MSRA: variants seen among roughly 807,000 people sequenced by gnomAD.
MSRA encodes mitochondrial peptide methionine sulfoxide reductase.
MSRA carries 54 observed loss-of-function variants against 31.3 expected under a neutral mutation model. The ratio of observed to expected loss-of-function variants is 1.73; its 90% CI spans 1.39 to 2.17. MSRA has a LOEUF of 2.17. MSRA is among the 30% of genes most tolerant of loss of function. MSRA has a pLI of 0.00. For synonymous variants in MSRA, 169 were observed against 116.5 expected (o/e 1.45, Z -2.90); for missense variants, 507 against 300.9 (o/e 1.69, Z -5.07).
At chr8:10,067,874 G>GTTT (rs71203303) in intron 1 of MSRA, among the ~76,000 whole-genome samples, 1 of 49,366 alleles carries the variant, frequency 2.0e-5, no homozygotes, top group African/African-American at 5.6e-5. Context: ...TTCTTACTGA[G>GTTT]TTTTTTTTTT....
chr8:10,183,979 G>A (rs541435346), intron 1 of MSRA, among the ~76,000 whole-genome samples: 2 of 4,436 alleles, frequency 4.5e-4, no homozygotes, highest in East Asian at 0.014. Flanking sequence ...GTTGACAGTA[G>A]TGTTGCTGGT....
intron 1 of MSRA, among the ~76,000 whole-genome samples, chr8:10,143,797 A>C (rs948878288): frequency 2.0e-5 from 3 of 152,198 alleles, no homozygotes; most frequent in Non-Finnish European, 1.5e-5. Flanking sequence ...CTTCAGATAC[A>C]TATCCAGACA....
At chr8:10,110,489 G>T (rs1489043864) in intron 1 of MSRA, among the ~76,000 whole-genome samples, 1 of 152,126 alleles carries the variant, frequency 6.6e-6, no homozygotes, top group East Asian at 1.9e-4. Flanking sequence ...AGGAGAAACA[G>T]TGCAAACAAG....
At chr8:10,344,506 G>A (rs772846212) in intron 5 of MSRA, among the ~76,000 whole-genome samples, 5 of 148,546 alleles carry the variant, frequency 3.4e-5, no homozygotes, top group East Asian at 4.0e-4. Flanking sequence ...CCTGGGAGGC[G>A]GAGATTGCAT....
At chr8:10,229,870 T>C (rs4370534) in intron 2 of MSRA, among the ~76,000 whole-genome samples, 10,854 of 152,218 alleles carry the variant, frequency 0.071, 425 homozygotes, top group South Asian at 0.12. Flanking sequence ...GAGCTCTTTT[T>C]CTTTCTGTGT....
At chr8:10,415,057 G>A (rs1172088339) in intron 5 of MSRA, among the ~76,000 whole-genome samples, 1 of 152,186 alleles carries the variant, frequency 6.6e-6, no homozygotes, top group Non-Finnish European at 1.5e-5. Context: ...TTGAATGCAT[G>A]ATGGAGGGAA....
chr8:10,194,437 C>G lies in MSRA; in HGVS notation c.143-13396C>G, dbSNP rs1807798494. The stretch of plus-strand genomic sequence containing the variant: ...AAAAACTAGCCAGGTGTGGTGGCAG[C>G]CACCTGTAATCCCAGCTACTTGGGA... On this transcript the variant is annotated intron_variant, in intron 1 of 5. Coordinates refer to ENST00000317173, the MANE Select transcript of MSRA (RefSeq NM_012331.5). Among the ~76,000 whole-genome samples the G allele has an allele frequency of 2.6e-5, 4 of 152,194 alleles. No individual in the cohort carries two copies. The South Asian group carries it at 8.3e-4, about 32-fold the overall frequency.
At chr8:10,423,096 C>A (rs937969524) in intron 5 of MSRA, among the ~76,000 whole-genome samples, 1 of 152,154 alleles carries the variant, frequency 6.6e-6, no homozygotes, top group Non-Finnish European at 1.5e-5. Context: ...GCAGTTGTCT[C>A]GGCAGTCACG....
intron 1 of MSRA, among the ~76,000 whole-genome samples, chr8:10,136,504 G>T (rs902703183): frequency 1.3e-5 from 2 of 152,220 alleles, no homozygotes; most frequent in African/African-American, 2.4e-5. Flanking sequence ...ACCAGTAGCC[G>T]TATGGAATCA....
chr8:10,055,998 A>G (rs1461302889), intron 1 of MSRA, among the ~76,000 whole-genome samples: 9 of 152,198 alleles, frequency 5.9e-5, no homozygotes, highest in African/African-American at 2.2e-4. Flanking sequence ...GTAAACATCT[A>G]TACTTATATA....
At chr8:10,371,696 C>T (rs948738773) in intron 5 of MSRA, among the ~76,000 whole-genome samples, 13 of 152,126 alleles carry the variant, frequency 8.5e-5, no homozygotes, top group African/African-American at 3.1e-4. Flanking sequence ...GCCTCAGTAC[C>T]TCTGTGCCTG....
chr8:10,229,924 C>T (rs999792572), intron 2 of MSRA, among the ~76,000 whole-genome samples: 4 of 152,162 alleles, frequency 2.6e-5, no homozygotes, highest in Admixed American at 1.3e-4. Flanking sequence ...CAGTGAATTT[C>T]CACTTTCGAA....
At chr8:10,201,098 A>G (rs545912200) in intron 1 of MSRA, among the ~76,000 whole-genome samples, 11 of 152,208 alleles carry the variant, frequency 7.2e-5, no homozygotes, top group African/African-American at 2.6e-4. Context: ...AAGAAGAGGG[A>G]CTGTGAGACC....
At position 10,428,866 on chromosome 8, in the gene MSRA, A is replaced by G. The variant is rs1480572084; in HGVS notation, c.*554A>G. The G allele has an allele frequency of 2.6e-5, 4 of 152,994 alleles. No homozygotes were observed. Among genetic ancestry groups the G allele is most frequent in the African/African-American group, 7.2e-5 (3 of 41,470 alleles). The allele number at this position is 152,994 out of a possible 1,614,324, so 9.5% of individuals were successfully genotyped here. ...AGCTATGAGAAATGTTTGTTTTAATAAAAACCTACAGTCCAATAATGCCAA... is the reference window on the plus strand; with the variant it reads ...AGCTATGAGAAATGTTTGTTTTAATGAAAACCTACAGTCCAATAATGCCAA... On this transcript the variant is annotated 3_prime_UTR_variant, in exon 6 of 6. Transcript: ENST00000317173.
At chr8:10,324,264 C>T (rs927456769) in intron 5 of MSRA, among the ~76,000 whole-genome samples, 7 of 152,244 alleles carry the variant, frequency 4.6e-5, no homozygotes, top group Middle Eastern at 3.4e-3. Context: ...TTTAAGTGGC[C>T]ACATGTGGCT....
At chr8:10,425,570 G>C (rs963776127) in intron 5 of MSRA, among the ~76,000 whole-genome samples, 1 of 152,260 alleles carries the variant, frequency 6.6e-6, no homozygotes, top group Non-Finnish European at 1.5e-5. Flanking sequence ...TGCCTAGGAG[G>C]ACAGGGAAGA....
intron 2 of MSRA, among the ~76,000 whole-genome samples, chr8:10,208,237 T>C (rs1305378111): frequency 6.6e-6 from 1 of 152,126 alleles, no homozygotes; most frequent in Admixed American, 6.5e-5. Context: ...CATAGATATA[T>C]CACTTTGTTA....
At chr8:10,110,785 T>C (rs1800221773) in intron 1 of MSRA, among the ~76,000 whole-genome samples, 1 of 152,222 alleles carries the variant, frequency 6.6e-6, no homozygotes, top group Non-Finnish European at 1.5e-5. Context: ...CTTTCATCTG[T>C]GGCTTCTCCT....
intron 3 of MSRA, among the ~76,000 whole-genome samples, chr8:10,293,294 T>A (rs1469582261): frequency 6.6e-6 from 1 of 152,150 alleles, no homozygotes; most frequent in African/African-American, 2.4e-5. Context: ...GGTAAGCTCA[T>A]GAGCCACTTT....
Sources: gnomAD v4.1 joint callset for allele counts (sites outside exome capture counted in the v4.1 genomes callset) on GRCh38, gnomAD v4.1.1 for gene constraint, MANE v1.5 for transcripts, NCBI Gene and HGNC (gene_info 2026-07-23, HGNC 2026-07-21) for gene names.